The following PCDHGA9 variants were observed in gnomAD, a reference collection of about 807,000 sequenced individuals.
PCDHGA9 encodes the protein protocadherin gamma-A9.
Under a neutral mutation model 62.5 loss-of-function variants are expected in PCDHGA9, and 37 were observed. The observed-to-expected ratio is 0.59, with a 90% CI of 0.46 to 0.78. PCDHGA9 has a LOEUF of 0.78. Among genes scored for constraint, PCDHGA9 ranks in the 30% least tolerant of loss-of-function variants. The probability of loss-of-function intolerance (pLI) is 0.00; values close to 1 mark genes in which losing one functional copy is unlikely to be tolerated. For synonymous variants in PCDHGA9, 459 were observed against 484.6 expected, an observed-to-expected ratio of 0.95 and a Z score of 0.69; for missense variants, 1,138 against 1,166.2, an observed-to-expected ratio of 0.98 and a Z score of 0.35.
chr5:141,417,833 G>A (rs968698994), intron 1 of PCDHGA9: 8 of 1,529,614 alleles, frequency 5.2e-6, no homozygotes, highest in Middle Eastern at 1.7e-4. Context: ...TGGAAAAGCG[G>A]GGACCCAGCG....
intron 1 of PCDHGA9, chr5:141,478,878 T>A: frequency 8.0e-7 from 1 of 1,250,194 alleles, no homozygotes; most frequent in Non-Finnish European, 1.1e-6. Flanking sequence ...GAGTTTAGCT[T>A]GGTATCATTT....
rs1334123861 is a variant in PCDHGA9, at chr5:141,414,743, C to G, written c.2424+9367C>G. On this transcript the variant is annotated intron_variant, in intron 1 of 3. Coordinates refer to ENST00000573521, the MANE Select transcript of PCDHGA9 (RefSeq NM_018921.3). ...ACTGGCGTCCTGTATGCACTCAGAT[C>G]CTTCGACTATGAGCAGTTTCATGAG... 1.9e-6 allele frequency: 3 copies of G among 1,614,216 alleles called. No homozygotes were observed. In the East Asian group the frequency reaches 6.7e-5, roughly 36 times the overall value.
At chr5:141,410,787 T>C in intron 1 of PCDHGA9, 2 of 844,672 alleles carry the variant, frequency 2.4e-6, no homozygotes, top group South Asian at 4.4e-5. Flanking sequence ...TGTATTTGGT[T>C]CATAAGTTGC....
In PCDHGA9 at chr5:141,422,644, T is replaced by C. The variant is rs770618826; in HGVS notation, c.2424+17268T>C. 9 of 1,612,266 alleles carry C rather than the reference T, an allele frequency of 5.6e-6. No homozygotes were observed. The Admixed American group carries it at 1.5e-4, about 27-fold the overall frequency. ...AAACAACCCCAGGGGTGCCTCCATC[T>C]TCTCAGTGACCGCCCTCGACCCGGA... On this transcript the variant is annotated intron_variant, in intron 1 of 3. Coordinates refer to ENST00000573521, the MANE Select transcript of PCDHGA9 (RefSeq NM_018921.3).
At chr5:141,509,077 C>A (rs1371396735) in intron 3 of PCDHGA9, among the ~76,000 whole-genome samples, 3 of 152,242 alleles carry the variant, frequency 2.0e-5, no homozygotes, top group Admixed American at 2.0e-4. Flanking sequence ...CGGGGATTTG[C>A]GACATGAAAT....
Position 141,485,790 on chromosome 5 carries a change from C to G in PCDHGA9, c.2425-9017C>G. 6.2e-7 allele frequency: 1 copy of G among 1,614,204 alleles called. No homozygotes were observed. The highest frequency in any genetic ancestry group is 8.5e-7 in the Non-Finnish European group (1 of 1,180,032). ...AAGCCTTTGGATCGAGAGAAGCAAT[C>G]GGACTACCGCCTGGTGCTGACTGCT... On this transcript the variant is annotated intron_variant, in intron 1 of 3. Transcript: ENST00000573521. This position sits in a 1 kb window ranked among gnomAD's most constrained non-coding sequence, Gnocchi z 5.7.
intron 1 of PCDHGA9, among the ~76,000 whole-genome samples, chr5:141,449,298 T>C (rs1197693931): frequency 6.6e-6 from 1 of 152,058 alleles, no homozygotes; most frequent in Non-Finnish European, 1.5e-5. Flanking sequence ...CCGGGTGAAT[T>C]ATATGTATTA....
At position 141,477,039 on chromosome 5, in the gene PCDHGA9, G is replaced by C. The variant is rs1313580652; in HGVS notation, c.2425-17768G>C. Reference sequence around the variant, plus strand: ...GTAACCGGGATGCTGACAATCAAGGGTCGGCTGGACTTCGAGGACACCAAA... The same window carrying C: ...GTAACCGGGATGCTGACAATCAAGGCTCGGCTGGACTTCGAGGACACCAAA... On this transcript the variant is annotated intron_variant, in intron 1 of 3. Coordinates refer to ENST00000573521, the MANE Select transcript of PCDHGA9 (RefSeq NM_018921.3). This position sits in a 1 kb window ranked among gnomAD's most constrained non-coding sequence, Gnocchi z 4.9. 1 of 1,614,144 alleles carries C rather than the reference G, an allele frequency of 6.2e-7. No individual in the cohort carries two copies. The highest frequency in any genetic ancestry group is 8.5e-7 in the Non-Finnish European group (1 of 1,180,056).
At chr5:141,418,147 C>A (rs781655205) in intron 1 of PCDHGA9, 3 of 1,614,040 alleles carry the variant, frequency 1.9e-6, no homozygotes, top group Non-Finnish European at 2.5e-6. Flanking sequence ...AGCAAATATG[C>A]AAAGAGAGAA....
intron 1 of PCDHGA9, chr5:141,433,358 C>CCCAT (rs1554125967): frequency 7.1e-5 from 36 of 503,934 alleles, no homozygotes; most frequent in African/African-American, 1.2e-4. Flanking sequence ...CTACTGTCTG[C>CCCAT]CTATCTATCT....
intron 1 of PCDHGA9, chr5:141,423,117 G>A (rs1429958385): frequency 6.2e-7 from 1 of 1,613,698 alleles, no homozygotes; most frequent in Non-Finnish European, 8.5e-7. Flanking sequence ...TGCGTACAGC[G>A]CGGGCACTGC....
rs1385402830 is a variant in PCDHGA9, at chr5:141,403,688, A to T, written c.736A>T (p.Ile246Phe). ...NDNAPVFAQRIYRVKVLENVP... is the reference protein window; with the variant it reads ...NDNAPVFAQRFYRVKVLENVP... ...TAATGCCCCGGTTTTTGCTCAACGGATTTACCGAGTTAAAGTCCTTGAGAA... is the reference window on the plus strand; with the variant it reads ...TAATGCCCCGGTTTTTGCTCAACGGTTTTACCGAGTTAAAGTCCTTGAGAA... The change falls in exon 1 of 4, where the codon ATT (isoleucine) becomes TTT (phenylalanine). Residue 246 changes from isoleucine (I) to phenylalanine (F), a missense_variant. By Grantham distance (21) the Ile-to-Phe change is conservative. Coordinates refer to ENST00000573521, the MANE Select transcript of PCDHGA9 (RefSeq NM_018921.3). 1 of 1,613,836 alleles carries T rather than the reference A, an allele frequency of 6.2e-7. No individual in the cohort carries two copies. Among genetic ancestry groups the T allele is most frequent in the Non-Finnish European group, 8.5e-7 (1 of 1,179,876 alleles).
rs367578838 is a variant in PCDHGA9, at chr5:141,432,537, C to A, written c.2424+27161C>A. The A allele has an allele frequency of 5.0e-6, 8 of 1,613,882 alleles. No individual in the cohort carries two copies. Among genetic ancestry groups the A allele is most frequent in the African/African-American group, 1.3e-5 (1 of 74,922 alleles). Reference sequence around the variant, plus strand: ...GGCTACCTGGTGACCAAGGTGGTGGCGGTGGACAGAGACTCCGGCCAGAAC... The same window carrying A: ...GGCTACCTGGTGACCAAGGTGGTGGAGGTGGACAGAGACTCCGGCCAGAAC... On this transcript the variant is annotated intron_variant, in intron 1 of 3. Coordinates refer to ENST00000573521, the MANE Select transcript of PCDHGA9 (RefSeq NM_018921.3). This position sits in a 1 kb window ranked among gnomAD's most constrained non-coding sequence, Gnocchi z 6.0.
At chr5:141,469,992 G>A (rs894673835) in intron 1 of PCDHGA9, among the ~76,000 whole-genome samples, 10 of 152,054 alleles carry the variant, frequency 6.6e-5, no homozygotes, top group South Asian at 2.1e-4. Context: ...TTAGCTGGTC[G>A]TCGTGGCACG....
At chr5:141,420,175 T>C (rs901184536) in intron 1 of PCDHGA9, 6 of 1,614,004 alleles carry the variant, frequency 3.7e-6, no homozygotes, top group Non-Finnish European at 5.1e-6. Context: ...CATCTGTTGA[T>C]CATTGTCCAG....
At position 141,487,666 on chromosome 5, in the gene PCDHGA9, C is replaced by T. The variant is rs2099657736; in HGVS notation, c.2425-7141C>T. 1 of 1,612,838 alleles carries T rather than the reference C, an allele frequency of 6.2e-7. No homozygotes were observed. Among genetic ancestry groups the T allele is most frequent in the South Asian group, 1.1e-5 (1 of 90,712 alleles). Reference sequence around the variant, plus strand: ...TGCTTGAGGGTTATTCTGATCCAGGCATATGGCTAGGCCATGTCCTAGAGA... The same window carrying T: ...TGCTTGAGGGTTATTCTGATCCAGGTATATGGCTAGGCCATGTCCTAGAGA... On this transcript the variant is annotated intron_variant, in intron 1 of 3. Coordinates refer to ENST00000573521, the MANE Select transcript of PCDHGA9 (RefSeq NM_018921.3). This position sits in a 1 kb window ranked among gnomAD's most constrained non-coding sequence, Gnocchi z 5.0.
chr5:141,423,868 T>G (rs2154550529), intron 1 of PCDHGA9: 1 of 1,283,788 alleles, frequency 7.8e-7, no homozygotes, highest in East Asian at 3.1e-5. Flanking sequence ...GTGAAAGTCA[T>G]TTTTCAATCT....
At position 141,404,647 on chromosome 5, in the gene PCDHGA9, T is replaced by C. The variant is rs764645495; in HGVS notation, c.1695T>C (p.Pro565=). 1.2e-5 allele frequency: 20 copies of C among 1,614,190 alleles called. No individual in the cohort carries two copies. Among genetic ancestry groups the C allele is most frequent in the Admixed American group, 1.7e-5 (1 of 60,010 alleles). ...QNDNAPEILY[P]ALPTDGSTGV... ...ACAATGCCCCAGAAATCCTGTACCC[T>C]GCCCTCCCCACTGATGGTTCTACTG... Residue 565 remains proline (P), a synonymous_variant, in exon 1 of 4, where the codon CCT becomes CCC. Coordinates refer to ENST00000573521, the MANE Select transcript of PCDHGA9 (RefSeq NM_018921.3).
chr5:141,467,878 C>T (rs937986234), intron 1 of PCDHGA9, among the ~76,000 whole-genome samples: 8 of 151,998 alleles, frequency 5.3e-5, no homozygotes, highest in Non-Finnish European at 7.4e-5. Flanking sequence ...AGGCTGGTCT[C>T]AAACTCCTGA....
Sources: gnomAD v4.1 joint callset for allele counts (sites outside exome capture counted in the v4.1 genomes callset) on GRCh38, gnomAD v4.1.1 for gene constraint, Gnocchi (gnomAD v3.1) non-coding constraint, MANE v1.5 for transcripts, NCBI Gene and HGNC (gene_info 2026-07-23, HGNC 2026-07-21) for gene names.